The following PCDHA10 variants were observed in gnomAD, a reference collection of about 807,000 sequenced individuals.
PCDHA10 encodes protocadherin alpha 10, also known as protocadherin alpha-10.
In PCDHA10, 45 loss-of-function variants were observed where a neutral mutation model predicts 61.2. That is an observed-to-expected ratio of 0.74 (90% CI 0.58 to 0.94). The LOEUF is 0.94. Ranked by LOEUF, PCDHA10 falls within the 40% of genes least tolerant of loss-of-function variation. PCDHA10 has a pLI of 0.00. For missense variants in PCDHA10, 1,278 were observed against 1,236.2 expected (o/e 1.03, Z -0.51); for synonymous variants, 602 against 548.8 (o/e 1.10, Z -1.35).
intron 1 of PCDHA10, among the ~76,000 whole-genome samples, chr5:140,904,904 C>A (rs1463349424): frequency 6.6e-6 from 1 of 151,948 alleles, no homozygotes; most frequent in Non-Finnish European, 1.5e-5. Context: ...GTTTTTCTTA[C>A]TGATTTGTTT....
rs532609088 is a variant in PCDHA10, at chr5:140,890,699, T to A, written c.2388+32263T>A. 2.6e-5 allele frequency among the ~76,000 whole-genome samples: 4 copies of A among 152,312 alleles called. No homozygotes were observed. In the East Asian group the frequency reaches 7.7e-4, roughly 29 times the overall value. On this transcript the variant is annotated intron_variant, in intron 1 of 3. Transcript: ENST00000307360. ...CTCCTTCTGGGAAATGCAGGGACCT[T>A]ACATTTTTAAAATCTTTTTAATCCC... is the stretch of plus-strand genomic sequence containing the variant.
intron 1 of PCDHA10, chr5:140,927,414 A>T: frequency 6.2e-7 from 1 of 1,614,114 alleles, no homozygotes; most frequent in South Asian, 1.1e-5. Context: ...TGGACATGGG[A>T]TCGCGGGTTG....
chr5:140,856,661 C>T lies in PCDHA10; in HGVS notation c.613C>T (p.Pro205Ser). The change falls in exon 1 of 4, where the codon CCT becomes TCT. Residue 205 changes from proline (P) to serine (S), a missense_variant. Transcript: ENST00000307360. ...GAAGCTGCTGGATCGTGAAGAAAAT[C>T]CTCAGCTAAAGTTGTTGTTGACAGC... ...LRKLLDREEN[P>S]QLKLLLTATD... 6.3e-7 allele frequency: 1 copy of T among 1,598,066 alleles called. No individual in the cohort carries two copies. Among genetic ancestry groups the T allele is most frequent in the South Asian group, 1.1e-5 (1 of 90,528 alleles).
intron 1 of PCDHA10, among the ~76,000 whole-genome samples, chr5:140,933,853 A>G (rs192647657): frequency 6.6e-6 from 1 of 151,684 alleles, no homozygotes; most frequent in Non-Finnish European, 1.5e-5. Flanking sequence ...TGTACCTTTA[A>G]TTTTTTCAGA....
chr5:140,871,358 A>T, intron 1 of PCDHA10: 6 of 1,614,208 alleles, frequency 3.7e-6, no homozygotes, highest in Non-Finnish European at 5.1e-6. Context: ...TACTCGCAGC[A>T]GAGGCGGCAG....
chr5:140,966,603 G>T, intron 1 of PCDHA10: 1 of 656,454 alleles, frequency 1.5e-6, no homozygotes, highest in East Asian at 3.4e-5. Context: ...AGGAGCCCTT[G>T]GGAGGGCCTA....
At chr5:140,975,491 C>T (rs2153807371) in intron 1 of PCDHA10, among the ~76,000 whole-genome samples, 1 of 152,274 alleles carries the variant, frequency 6.6e-6, no homozygotes, top group Middle Eastern at 3.4e-3. Flanking sequence ...TATCAATGTT[C>T]ATAAAATAGC....
intron 1 of PCDHA10, chr5:140,869,122 A>G (rs1562622538): frequency 2.5e-6 from 4 of 1,607,706 alleles, no homozygotes; most frequent in Non-Finnish European, 3.4e-6. Flanking sequence ...TTTTCAGAGA[A>G]GGGGATTGGG....
rs797023184 is a variant in PCDHA10 at position 140,941,202 on chromosome 5, CCTTT to C, written c.2389-37739_2389-37736del. The stretch of plus-strand genomic sequence containing the variant: ...TCCTGCTTCTTTTTTTTTCTTTCTT[CCTTT>C]CTTTCTTCCTTTCTTTCTTTCTTTC... On this transcript the variant is annotated intron_variant, in intron 1 of 3. Transcript: ENST00000307360. Among the ~76,000 whole-genome samples, 914 of 122,710 alleles carry C rather than the reference CCTTT, an allele frequency of 7.4e-3. 14 individuals are homozygous for C. The highest frequency in any genetic ancestry group is 0.013 in the African/African-American group (444 of 33,832). The allele number at this position is 122,710 out of a possible 152,430, so 80.5% of individuals were successfully genotyped here. A position where few individuals can be genotyped will look rare whatever the true frequency, so the allele number is the denominator to read the frequency against.
At chr5:141,005,909 T>C (rs1368661717) in intron 3 of PCDHA10, among the ~76,000 whole-genome samples, 1 of 151,946 alleles carries the variant, frequency 6.6e-6, no homozygotes, top group African/African-American at 2.4e-5. Context: ...ATTGCACCAC[T>C]GCACTTCAGC....
intron 3 of PCDHA10, among the ~76,000 whole-genome samples, 189 bp from the exon 4 acceptor site, chr5:141,009,438 T>C (rs1024999058): frequency 6.6e-6 from 1 of 152,190 alleles, no homozygotes; most frequent in African/African-American, 2.4e-5. Context: ...AGGGAAATCC[T>C]GTCTCAAAAA....
At chr5:140,871,077 G>GACGGCC (rs782552854) in intron 1 of PCDHA10, 6 of 1,613,222 alleles carry the variant, frequency 3.7e-6, no homozygotes, top group Non-Finnish European at 5.1e-6. Context: ...AGCCGGCGCT[G>GACGGCC]ACGGCCACGG....
chr5:140,883,520 G>A (rs1554178526), intron 1 of PCDHA10: 1 of 1,614,222 alleles, frequency 6.2e-7, no homozygotes, highest in Non-Finnish European at 8.5e-7. Context: ...CCGCGAGAGC[G>A]TATCAGCCTA....
At chr5:140,957,689 A>G (rs2095375568) in intron 1 of PCDHA10, among the ~76,000 whole-genome samples, 1 of 152,234 alleles carries the variant, frequency 6.6e-6, no homozygotes. Flanking sequence ...TATCTAGACA[A>G]TGAACATTAT....
At position 140,977,766 on chromosome 5, in the gene PCDHA10, G is replaced by C. The variant is rs559146656; in HGVS notation, c.2389-1183G>C. ...AAGAAATGTGTTTATTAAATACTTTGCATCCCTTAAAGGAACTATATGAAT... is the reference window on the plus strand; with the variant it reads ...AAGAAATGTGTTTATTAAATACTTTCCATCCCTTAAAGGAACTATATGAAT... On this transcript the variant is annotated intron_variant, in intron 1 of 3. Coordinates refer to ENST00000307360, the MANE Select transcript of PCDHA10 (RefSeq NM_018901.4). Among the ~76,000 whole-genome samples, 3 of 152,272 alleles carry C rather than the reference G, an allele frequency of 2.0e-5. No homozygotes were observed. In the South Asian group the frequency reaches 6.2e-4, roughly 32 times the overall value.
chr5:140,858,233 G>A lies in PCDHA10; in HGVS notation c.2185G>A (p.Ala729Thr). Reference sequence around the variant, plus strand: ...GTGCTCGGCGGCGCCCACCGAGGGCGCATGTGGGCCGGTGAAGCCCACGCT... The same window carrying A: ...GTGCTCGGCGGCGCCCACCGAGGGCACATGTGGGCCGGTGAAGCCCACGCT... The part of the protein sequence containing the change: ...LRCSAAPTEG[A>T]CGPVKPTLVC... The change falls in exon 1 of 4, where the codon GCA becomes ACA. Residue 729 changes from alanine (A) to threonine (T), a missense_variant. Ala to Thr is a moderately conservative substitution (Grantham distance 58, BLOSUM62 0). Transcript: ENST00000307360. 1.3e-6 allele frequency: 2 copies of A among 1,596,216 alleles called. No individual in the cohort carries two copies. The highest frequency in any genetic ancestry group is 1.7e-6 in the Non-Finnish European group (2 of 1,166,126).
intron 1 of PCDHA10, among the ~76,000 whole-genome samples, chr5:140,903,594 A>G (rs868958257): frequency 3.3e-5 from 5 of 152,238 alleles, no homozygotes; most frequent in South Asian, 2.1e-4. Flanking sequence ...TTGGCCTGAT[A>G]AATGCTTAAT....
chr5:140,868,265 T>G (rs182913735), intron 1 of PCDHA10: 1 of 152,250 alleles, frequency 6.6e-6, no homozygotes, highest in African/African-American at 2.4e-5. Flanking sequence ...GTGGATTCTT[T>G]TTTAAAACTA....
intron 1 of PCDHA10, chr5:140,862,499 G>T (rs1581644581): frequency 2.5e-6 from 1 of 396,118 alleles, no homozygotes; most frequent in East Asian, 6.8e-5. Flanking sequence ...CGCTCGGAAT[G>T]GGGACTCGCT....
Sources: allele counts gnomAD v4.1 joint callset (sites outside exome capture counted in the v4.1 genomes callset), GRCh38; gene constraint gnomAD v4.1.1; transcripts MANE v1.5; gene names NCBI Gene and HGNC (gene_info 2026-07-23, HGNC 2026-07-21).